The following FAM171A1 variants were observed in gnomAD, a reference collection of about 807,000 sequenced individuals.
The protein encoded by FAM171A1 is family with sequence similarity 171 member A1.
A neutral mutation model predicts 74.9 loss-of-function variants in FAM171A1; 23 were observed. The observed-to-expected ratio is 0.31, with a 90% CI of 0.22 to 0.44. The LOEUF (loss-of-function observed/expected upper bound fraction) is 0.44. Among genes scored for constraint, FAM171A1 ranks in the 20% least tolerant of loss-of-function variants. The pLI, the probability that FAM171A1 is intolerant of heterozygous loss-of-function variation, is 1.00. For missense variants in FAM171A1, 1,162 were observed against 1,159.2 expected, an observed-to-expected ratio of 1.00 and a Z score of -0.03; for synonymous variants, 527 against 505.7, an observed-to-expected ratio of 1.04 and a Z score of -0.57.
chr10:15,234,718 T>C (rs1175791801), intron 5 of FAM171A1, among the ~76,000 whole-genome samples: 1 of 151,806 alleles, frequency 6.6e-6, no homozygotes, highest in Admixed American at 6.6e-5. Context: ...AGTGGCGCGA[T>C]CTTGGCTCAC....
chr10:15,218,322 GC>G (rs1564613300), intron 6 of FAM171A1, among the ~76,000 whole-genome samples: 1 of 151,686 alleles, frequency 6.6e-6, no homozygotes, highest in African/African-American at 2.4e-5. Flanking sequence ...CTCATGATTC[GC>G]CCACTTTGGC....
chr10:15,289,323 G>C (rs1308206583), intron 1 of FAM171A1, among the ~76,000 whole-genome samples: 2 of 152,026 alleles, frequency 1.3e-5, no homozygotes, highest in South Asian at 4.1e-4. Flanking sequence ...ACCTAAATAT[G>C]CCCTAGGGTG....
At chr10:15,240,071 ATT>A (rs1264801930) in intron 5 of FAM171A1, among the ~76,000 whole-genome samples, 1 of 152,226 alleles carries the variant, frequency 6.6e-6, no homozygotes, top group Non-Finnish European at 1.5e-5. Flanking sequence ...TAAAAAATTT[ATT>A]TTAGGCTGGG....
chr10:15,240,829 C>A (rs1834354837), intron 5 of FAM171A1: 4 of 727,472 alleles, frequency 5.5e-6, no homozygotes, highest in Non-Finnish European at 6.7e-6. Flanking sequence ...CACTTGAGGG[C>A]AGGAGTCTGA....
rs1447428612 is a variant in FAM171A1 at position 15,312,699 on chromosome 10, T to G, written c.98-28594A>C. ...TTTTTTTTTTTTTTTTTTTTTTTTT[T>G]TTTTTTTTTTTTTTTGAGACGATAT... is the stretch of plus-strand genomic sequence containing the variant. On this transcript the variant is annotated intron_variant, in intron 1 of 7. Coordinates refer to ENST00000378116, the MANE Select transcript of FAM171A1 (RefSeq NM_001010924.2). 2.3e-4 allele frequency among the ~76,000 whole-genome samples: 22 copies of G among 97,618 alleles called. 2 individuals are homozygous for G. The highest frequency in any genetic ancestry group is 4.9e-4 in the East Asian group (2 of 4,098). 64.0% of individuals were successfully genotyped at this position (97,618 alleles called of 152,430 possible).
chr10:15,308,304 C>A (rs756493739), intron 1 of FAM171A1, among the ~76,000 whole-genome samples: 4 of 152,114 alleles, frequency 2.6e-5, no homozygotes, highest in African/African-American at 4.8e-5. Flanking sequence ...GAAAGCAAAG[C>A]AAAATTGCTA....
At chr10:15,303,821 C>T (rs1033328725) in intron 1 of FAM171A1, among the ~76,000 whole-genome samples, 22 of 152,178 alleles carry the variant, frequency 1.4e-4, no homozygotes, top group South Asian at 2.1e-4. Flanking sequence ...TCAGTGACGA[C>T]GTGCCCAAGA....
intron 2 of FAM171A1, among the ~76,000 whole-genome samples, chr10:15,281,887 T>C (rs755107314): frequency 4.6e-5 from 7 of 152,022 alleles, no homozygotes; most frequent in Non-Finnish European, 7.4e-5. Flanking sequence ...AAAACAGATA[T>C]GATGGGAATG....
At chr10:15,217,379 T>C (rs2131706666) in intron 6 of FAM171A1, among the ~76,000 whole-genome samples, 1 of 152,334 alleles carries the variant, frequency 6.6e-6, no homozygotes, top group Non-Finnish European at 1.5e-5. Flanking sequence ...AGACACCCAT[T>C]TGCTTATTTT....
chr10:15,283,236 C>T (rs1190601447), intron 2 of FAM171A1, among the ~76,000 whole-genome samples: 1 of 152,192 alleles, frequency 6.6e-6, no homozygotes, highest in Non-Finnish European at 1.5e-5. Flanking sequence ...CCCACCTCCA[C>T]AGCTTGCCCC....
intron 1 of FAM171A1, among the ~76,000 whole-genome samples, chr10:15,356,892 A>T (rs1018917450): frequency 6.6e-6 from 1 of 151,934 alleles, no homozygotes; most frequent in Non-Finnish European, 1.5e-5. Context: ...AATCGCTTGA[A>T]CCTGGGAGGC....
intron 5 of FAM171A1, among the ~76,000 whole-genome samples, chr10:15,239,896 A>G (rs1488158748): frequency 6.6e-6 from 1 of 152,228 alleles, no homozygotes; most frequent in Non-Finnish European, 1.5e-5. Flanking sequence ...TGCTGAACAT[A>G]CTTAATCTGA....
chr10:15,270,966 C>G (rs963965922), intron 3 of FAM171A1, among the ~76,000 whole-genome samples: 1 of 152,150 alleles, frequency 6.6e-6, no homozygotes, highest in Non-Finnish European at 1.5e-5. Context: ...AAAATCAGAG[C>G]GCCTATTCTC....
chr10:15,344,418 C>T (rs1294877736), intron 1 of FAM171A1, among the ~76,000 whole-genome samples: 1 of 152,046 alleles, frequency 6.6e-6, no homozygotes, highest in Non-Finnish European at 1.5e-5. Flanking sequence ...TGGCTCACTC[C>T]TAGAGTCCCA....
At position 15,229,915 on chromosome 10, in the gene FAM171A1, TCACCAA is replaced by T. The variant is rs1564617055; in HGVS notation, c.755-8861_755-8856del. Among the ~76,000 whole-genome samples the T allele has an allele frequency of 8.4e-3, 571 of 67,960 alleles. 18 individuals are homozygous for T. The highest frequency in any genetic ancestry group is 0.011 in the African/African-American group (187 of 17,462). The allele number at this position is 67,960 out of a possible 152,430, so 44.6% of individuals were successfully genotyped here. On this transcript the variant is annotated intron_variant, in intron 5 of 7. Transcript: ENST00000378116. ...ATCACCATCATCACCATCACCACCA[TCACCAA>T]CATCATCATCATCACCATCACCATC...
intron 5 of FAM171A1, among the ~76,000 whole-genome samples, chr10:15,232,314 C>A (rs763044037): frequency 3.3e-5 from 5 of 152,152 alleles, no homozygotes; most frequent in Non-Finnish European, 5.9e-5. Flanking sequence ...CTCTGACCAG[C>A]TAATGACTCT....
At chr10:15,331,097 C>G (rs1432495611) in intron 1 of FAM171A1, among the ~76,000 whole-genome samples, 2 of 152,062 alleles carry the variant, frequency 1.3e-5, no homozygotes, top group South Asian at 2.1e-4. Context: ...ACTATGTTGG[C>G]CAGGCTGGTC....
intron 5 of FAM171A1, among the ~76,000 whole-genome samples, chr10:15,240,158 C>A (rs1032188690): frequency 1.3e-5 from 2 of 152,120 alleles, no homozygotes; most frequent in African/African-American, 2.4e-5. Flanking sequence ...GTCGGGAGTT[C>A]GAGACCAGCC....
intron 3 of FAM171A1, among the ~76,000 whole-genome samples, chr10:15,256,095 G>T (rs1564624426): frequency 6.6e-6 from 1 of 152,144 alleles, no homozygotes; most frequent in Non-Finnish European, 1.5e-5. Flanking sequence ...CCAGGCTTGA[G>T]GCAGACCACA....
Sources: allele counts gnomAD v4.1 joint callset (sites outside exome capture counted in the v4.1 genomes callset), GRCh38; gene constraint gnomAD v4.1.1; transcripts MANE v1.5; gene names NCBI Gene and HGNC (gene_info 2026-07-23, HGNC 2026-07-21).